SYN3: variants seen among roughly 807,000 people sequenced by gnomAD.
SYN3 encodes the protein synapsin-3.
In SYN3, 35 loss-of-function variants were observed where a neutral mutation model predicts 65.8. The observed-to-expected ratio is 0.53, with a 90% confidence interval of 0.41 to 0.70. SYN3 has a LOEUF of 0.70. Ranked by LOEUF, SYN3 falls within the 30% of genes least tolerant of loss-of-function variation. The pLI is 0.00. For missense variants in SYN3, 680 were observed against 749.0 expected, an observed-to-expected ratio of 0.91 and a Z score of 1.08; for synonymous variants, 270 against 292.9, an observed-to-expected ratio of 0.92 and a Z score of 0.80.
At chr22:32,629,615 T>C (rs2059718505) in intron 6 of SYN3, 1 of 152,214 alleles carries the variant, frequency 6.6e-6, no homozygotes, top group South Asian at 2.1e-4. Flanking sequence ...CTATCTTTCT[T>C]GTCTTTCACA....
At chr22:32,529,730 G>A (rs999147306) in intron 10 of SYN3, among the ~76,000 whole-genome samples, 4 of 152,166 alleles carry the variant, frequency 2.6e-5, no homozygotes, top group Admixed American at 6.5e-5. Flanking sequence ...GATCTGGAAG[G>A]GGTGTCTGTC....
At chr22:32,973,180 C>G (rs2052073952) in intron 3 of SYN3, among the ~76,000 whole-genome samples, 1 of 152,186 alleles carries the variant, frequency 6.6e-6, no homozygotes, top group African/African-American at 2.4e-5. Flanking sequence ...TAAATTCCCT[C>G]TGAAATACAT....
At chr22:32,964,664 C>G (rs1030733072) in intron 3 of SYN3, among the ~76,000 whole-genome samples, 13 of 152,080 alleles carry the variant, frequency 8.5e-5, no homozygotes, top group African/African-American at 2.9e-4. Flanking sequence ...TAATAATGAG[C>G]CTTACACCTC....
intron 2 of SYN3, among the ~76,000 whole-genome samples, chr22:32,991,604 G>A (rs528120329): frequency 3.7e-4 from 56 of 152,238 alleles, no homozygotes; most frequent in African/African-American, 1.3e-3. Flanking sequence ...AGCCTATGCT[G>A]CTGTTTTTCT....
At chr22:32,939,269 G>A (rs953508073) in intron 3 of SYN3, among the ~76,000 whole-genome samples, 2 of 152,178 alleles carry the variant, frequency 1.3e-5, no homozygotes, top group African/African-American at 2.4e-5. Flanking sequence ...ATATACTGCT[G>A]AAAGGTTCTC....
At chr22:32,777,343 C>T (rs558201483) in intron 6 of SYN3, among the ~76,000 whole-genome samples, 1 of 152,128 alleles carries the variant, frequency 6.6e-6, no homozygotes, top group African/African-American at 2.4e-5. Flanking sequence ...GGCATATGGG[C>T]ACATTAGATT....
At chr22:32,798,438 G>C (rs2046481022) in intron 6 of SYN3, among the ~76,000 whole-genome samples, 1 of 152,110 alleles carries the variant, frequency 6.6e-6, no homozygotes, top group South Asian at 2.1e-4. Context: ...ACAAGGATGA[G>C]TAGTTTCTGA....
intron 4 of SYN3, among the ~76,000 whole-genome samples, chr22:32,900,669 T>G (rs148091479): frequency 1.1e-3 from 173 of 152,338 alleles, no homozygotes; most frequent in African/African-American, 3.9e-3. Flanking sequence ...TATATACTCC[T>G]CACTTCATCC....
Position 32,913,470 on chromosome 22 carries a change from T to A in SYN3, c.461+17920A>T, listed in dbSNP as rs182221793. Among the ~76,000 whole-genome samples the A allele has an allele frequency of 8.5e-5, 13 of 152,084 alleles. 1 individual carries two copies. The East Asian group carries it at 9.7e-4, about 11-fold the overall frequency. On this transcript the variant is annotated intron_variant, in intron 4 of 13. Coordinates refer to ENST00000358763, the MANE Select transcript of SYN3 (RefSeq NM_003490.4). ...ACCCCGCACAGCCAAGTCTATTATT[T>A]TTTTTTTTTTAAAGAAAAAAACAGA...
chr22:32,696,723 C>T (rs1270612418), intron 6 of SYN3, among the ~76,000 whole-genome samples: 4 of 152,128 alleles, frequency 2.6e-5, no homozygotes, highest in Non-Finnish European at 5.9e-5. Flanking sequence ...AACGGCTCTT[C>T]CCACCTTCCT....
intron 6 of SYN3, among the ~76,000 whole-genome samples, chr22:32,672,235 T>G (rs1988979744): frequency 6.6e-6 from 1 of 152,188 alleles, no homozygotes; most frequent in Non-Finnish European, 1.5e-5. Context: ...TAATACACAA[T>G]GTCTTGCCCA....
intron 6 of SYN3, among the ~76,000 whole-genome samples, chr22:32,815,673 C>G (rs1017609422): frequency 2.6e-5 from 4 of 152,076 alleles, no homozygotes; most frequent in Admixed American, 6.5e-5. Context: ...ACATACATGT[C>G]AGAAATTATT....
intron 6 of SYN3, 98 bp downstream of exon 6, chr22:32,864,817 C>A (rs1243311935): frequency 1.8e-6 from 2 of 1,129,322 alleles, no homozygotes; most frequent in Non-Finnish European, 2.7e-6. Flanking sequence ...CAGTGTACAA[C>A]CCCTAGAGTC....
At chr22:32,562,103 A>G (rs528996387) in intron 7 of SYN3, among the ~76,000 whole-genome samples, 1 of 152,338 alleles carries the variant, frequency 6.6e-6, no homozygotes, top group East Asian at 1.9e-4. Context: ...ATCTGACAAA[A>G]AGAAGCACCC....
At chr22:32,810,525 G>T (rs130276) in intron 6 of SYN3, among the ~76,000 whole-genome samples, 1 of 142,470 alleles carries the variant, frequency 7.0e-6, no homozygotes, top group Non-Finnish European at 1.5e-5. Context: ...ATGATTGGGC[G>T]GGGGGTGGGT....
At chr22:32,993,555 A>G (rs1292984710) in intron 2 of SYN3, among the ~76,000 whole-genome samples, 2 of 152,208 alleles carry the variant, frequency 1.3e-5, no homozygotes, top group Non-Finnish European at 2.9e-5. Flanking sequence ...CATATTGGCC[A>G]GGCTGGTCTC....
intron 6 of SYN3, among the ~76,000 whole-genome samples, chr22:32,850,314 C>G (rs1025923404): frequency 8.5e-5 from 13 of 152,092 alleles, no homozygotes; most frequent in Non-Finnish European, 1.6e-4. Flanking sequence ...GTTTTGCCAC[C>G]TGTTAACAGT....
intron 7 of SYN3, among the ~76,000 whole-genome samples, chr22:32,569,361 C>T (rs1473461409): frequency 6.6e-6 from 1 of 151,136 alleles, no homozygotes. Flanking sequence ...ATCTATCTAT[C>T]CATCTATACC....
intron 6 of SYN3, among the ~76,000 whole-genome samples, chr22:32,820,968 G>A (rs1212146175): frequency 1.3e-5 from 2 of 152,150 alleles, no homozygotes; most frequent in Non-Finnish European, 2.9e-5. Flanking sequence ...CAAGGTCTCT[G>A]AGCCAAGCAT....
Sources: gnomAD v4.1 joint callset for allele counts (sites outside exome capture counted in the v4.1 genomes callset) on GRCh38, gnomAD v4.1.1 for gene constraint, MANE v1.5 for transcripts, NCBI Gene and HGNC (gene_info 2026-07-23, HGNC 2026-07-21) for gene names.